The following ZBTB20 variants were observed in gnomAD, a reference collection of about 807,000 sequenced individuals.
ZBTB20 encodes the protein zinc finger and BTB domain-containing protein 20.
Under a neutral mutation model 56.9 loss-of-function variants are expected in ZBTB20, and 9 were observed. The observed-to-expected ratio is 0.16, with a 90% CI of 0.10 to 0.28. The LOEUF (loss-of-function observed/expected upper bound fraction) is 0.28. ZBTB20 is among the 10% of genes least tolerant of loss of function. The pLI is 1.00. For missense variants in ZBTB20, 655 were observed against 1,003.0 expected, an observed-to-expected ratio of 0.65 and a Z score of 4.69; for synonymous variants, 417 against 420.7, an observed-to-expected ratio of 0.99 and a Z score of 0.11.
At chr3:114,635,846 T>C (rs2059236383) in intron 6 of ZBTB20, among the ~76,000 whole-genome samples, 1 of 152,028 alleles carries the variant, frequency 6.6e-6, no homozygotes, top group Admixed American at 6.6e-5. Context: ...TAGGGAATTC[T>C]GGGGAGAAGA....
chr3:114,705,310 G>A (rs1560149220), intron 5 of ZBTB20, among the ~76,000 whole-genome samples: 1 of 152,116 alleles, frequency 6.6e-6, no homozygotes, highest in Non-Finnish European at 1.5e-5. Flanking sequence ...AAGTAGAGCA[G>A]GTATAAGTTA....
At chr3:114,927,408 T>C (rs1192614506) in intron 3 of ZBTB20, among the ~76,000 whole-genome samples, 1 of 152,212 alleles carries the variant, frequency 6.6e-6, no homozygotes, top group Non-Finnish European at 1.5e-5. Flanking sequence ...CCTGAGACTG[T>C]GTCATGGGCA....
At chr3:115,066,155 G>A (rs1167014945) in intron 2 of ZBTB20, among the ~76,000 whole-genome samples, 6 of 152,048 alleles carry the variant, frequency 3.9e-5, no homozygotes, top group East Asian at 1.9e-4. Flanking sequence ...CTCAAAGCAA[G>A]GTAAATCTGT....
At chr3:114,781,134 C>T (rs2070066267) in intron 5 of ZBTB20, among the ~76,000 whole-genome samples, 1 of 152,016 alleles carries the variant, frequency 6.6e-6, no homozygotes, top group Admixed American at 6.6e-5. Flanking sequence ...AAGTTAAAAA[C>T]TAATTTTTTT....
intron 5 of ZBTB20, among the ~76,000 whole-genome samples, chr3:114,744,721 G>A (rs575277155): frequency 2.0e-5 from 3 of 152,128 alleles, no homozygotes; most frequent in Non-Finnish European, 4.4e-5. Context: ...AATAGAATTT[G>A]CATTTTATGC....
chr3:114,411,526 A>G (rs191686512), intron 7 of ZBTB20, among the ~76,000 whole-genome samples: 1 of 152,304 alleles, frequency 6.6e-6, no homozygotes, highest in East Asian at 1.9e-4. Context: ...GGTCATTAAC[A>G]TGTTTATTTG....
At chr3:114,601,502 TAAGAA>T (rs2056757775) in intron 6 of ZBTB20, among the ~76,000 whole-genome samples, 1 of 152,062 alleles carries the variant, frequency 6.6e-6, no homozygotes, top group South Asian at 2.1e-4. Flanking sequence ...TTTCTAAAGA[TAAGAA>T]ATCTAATTTA....
chr3:114,735,715 G>A (rs1485956268), intron 5 of ZBTB20, among the ~76,000 whole-genome samples: 2 of 152,018 alleles, frequency 1.3e-5, no homozygotes, highest in African/African-American at 4.8e-5. Flanking sequence ...AGCTCATCTT[G>A]TTTATAATAA....
chr3:114,329,057 C>CATT lies in ZBTB20; in HGVS notation c.*9945_*9947dup, dbSNP rs1239122272. The CATT allele has an allele frequency of 6.6e-6, 1 of 152,208 alleles. No homozygotes were observed. Among genetic ancestry groups the CATT allele is most frequent in the Admixed American group, 6.5e-5 (1 of 15,284 alleles). The allele number at this position is 152,208 out of a possible 1,614,324, so 9.4% of individuals were successfully genotyped here. A position where few individuals can be genotyped will look rare whatever the true frequency, so the allele number is the denominator to read the frequency against. ...TTGGTAATTTTGCCATTACACTAGA[C>CATT]ATTAGCCCTTTCAAAGCAGACTAAG... On this transcript the variant is annotated 3_prime_UTR_variant, in exon 12 of 12. Transcript: ENST00000675478.
intron 2 of ZBTB20, among the ~76,000 whole-genome samples, chr3:115,021,750 T>C (rs1322588785): frequency 6.6e-6 from 1 of 150,868 alleles, no homozygotes; most frequent in Admixed American, 6.6e-5. Context: ...AAGTCATCAT[T>C]ACTTAAAATA....
chr3:114,521,920 T>A (rs2046683673), intron 6 of ZBTB20, among the ~76,000 whole-genome samples: 1 of 152,138 alleles, frequency 6.6e-6, no homozygotes, highest in African/African-American at 2.4e-5. Flanking sequence ...AGGGAAAGAA[T>A]CAGTTATTAC....
intron 4 of ZBTB20, among the ~76,000 whole-genome samples, chr3:114,810,189 A>G (rs1397724906): frequency 2.6e-5 from 4 of 152,118 alleles, no homozygotes; most frequent in African/African-American, 9.7e-5. Context: ...TGTGTGTCCA[A>G]AGCCTTAGGT....
chr3:114,752,742 A>G (rs2067665716), intron 5 of ZBTB20, among the ~76,000 whole-genome samples: 1 of 152,148 alleles, frequency 6.6e-6, no homozygotes, highest in Admixed American at 6.6e-5. Flanking sequence ...GACCTTTTGA[A>G]GGACAGTACT....
At chr3:114,572,842 T>C (rs757027804) in intron 6 of ZBTB20, among the ~76,000 whole-genome samples, 13 of 152,228 alleles carry the variant, frequency 8.5e-5, no homozygotes, top group Admixed American at 2.6e-4. Flanking sequence ...TAAGTTGTTA[T>C]GTTTATTCAT....
At chr3:115,072,761 G>C (rs2082455409) in intron 1 of ZBTB20, among the ~76,000 whole-genome samples, 1 of 152,090 alleles carries the variant, frequency 6.6e-6, no homozygotes, top group Admixed American at 6.6e-5. Context: ...ACCTTCCTCT[G>C]TTTACAGGAT....
At chr3:114,354,583 G>GTTTTTTT (rs1310151895) in intron 10 of ZBTB20, among the ~76,000 whole-genome samples, 1 of 45,430 alleles carries the variant, frequency 2.2e-5, no homozygotes, top group Non-Finnish European at 5.3e-5. Flanking sequence ...GTTTTGTTTT[G>GTTTTTTT]TTTGTTTTTT....
intron 6 of ZBTB20, among the ~76,000 whole-genome samples, chr3:114,682,488 G>A (rs998981174): frequency 6.6e-6 from 1 of 152,090 alleles, no homozygotes; most frequent in Admixed American, 6.6e-5. Context: ...TGATAGAGCT[G>A]GAATAGAATT....
chr3:114,593,250 T>C (rs563043751), intron 6 of ZBTB20, among the ~76,000 whole-genome samples: 1 of 152,080 alleles, frequency 6.6e-6, no homozygotes, highest in Non-Finnish European at 1.5e-5. Context: ...CGTTTTGAGA[T>C]GAAAGTTGGC....
intron 6 of ZBTB20, among the ~76,000 whole-genome samples, chr3:114,656,587 T>C (rs750983936): frequency 1.3e-5 from 2 of 152,166 alleles, no homozygotes; most frequent in African/African-American, 2.4e-5. Context: ...TGTATTCAAG[T>C]TTACTGACAC....
Sources: allele counts gnomAD v4.1 joint callset (sites outside exome capture counted in the v4.1 genomes callset), GRCh38; gene constraint gnomAD v4.1.1; transcripts MANE v1.5; gene names NCBI Gene and HGNC (gene_info 2026-07-23, HGNC 2026-07-21).